EZH2: variants seen among roughly 807,000 people sequenced by gnomAD.
EZH2 encodes enhancer of zeste 2 polycomb repressive complex 2 subunit, also known as histone-lysine N-methyltransferase EZH2.
EZH2 carries 18 observed loss-of-function variants against 98.4 expected under a neutral mutation model. The observed-to-expected ratio is 0.18, with a 90% CI of 0.13 to 0.27. The LOEUF is 0.27. EZH2 is among the 10% of genes least tolerant of loss of function. The probability of loss-of-function intolerance (pLI) is 1.00; values close to 1 mark genes in which losing one functional copy is unlikely to be tolerated. For synonymous variants in EZH2, 338 were observed against 312.3 expected (o/e 1.08, Z -0.87); for missense variants, 470 against 935.1 (o/e 0.50, Z 6.49).
rs2129476948 is a variant in EZH2, at chr7:148,829,781, G to C, written c.431C>G (p.Thr144Ser). Residue 144 changes from threonine (T) to serine (S), a missense_variant, in exon 5 of 20, where the codon ACT (threonine) becomes AGT (serine). Around this residue, in one of 6 missense-constraint regions of EZH2, gnomAD observed 21 missense variants for 84.2 expected, o/e 0.25. Coordinates refer to ENST00000320356, the MANE Select transcript of EZH2 (RefSeq NM_004456.5). ...MGDEVLDQDG[T>S]FIEELIKNYD... ...ATTTTTTATTAGTTCTTCAATGAAAGTACCATCCTGATCTAAAACTTCATC... is the reference window on the plus strand; with the variant it reads ...ATTTTTTATTAGTTCTTCAATGAAACTACCATCCTGATCTAAAACTTCATC... The C allele has an allele frequency of 6.2e-7, 1 of 1,608,948 alleles. No homozygotes were observed. The highest frequency in any genetic ancestry group is 8.5e-7 in the Non-Finnish European group (1 of 1,177,542).
At chr7:148,876,463 C>A (rs1820185653) in intron 1 of EZH2, among the ~76,000 whole-genome samples, 1 of 152,110 alleles carries the variant, frequency 6.6e-6, no homozygotes, top group Admixed American at 6.6e-5. Context: ...AATTATACTT[C>A]AATACAGTTG....
intron 1 of EZH2, among the ~76,000 whole-genome samples, chr7:148,851,863 C>A (rs995840579): frequency 4.6e-5 from 7 of 152,090 alleles, no homozygotes; most frequent in African/African-American, 1.7e-4. Flanking sequence ...AGAGCGAGAC[C>A]CTGTCTCAAA....
chr7:148,870,465 C>G (rs1819190734), intron 1 of EZH2, among the ~76,000 whole-genome samples: 1 of 152,060 alleles, frequency 6.6e-6, no homozygotes, highest in Non-Finnish European at 1.5e-5. Context: ...CACCTGGGGA[C>G]TCCAAGGTGG....
chr7:148,808,980 A>C (rs374004225), intron 19 of EZH2, 91 bp downstream of exon 19: 44 of 990,932 alleles, frequency 4.4e-5, no homozygotes, highest in East Asian at 1.2e-4. Context: ...CCATCAAAAG[A>C]AGCAAAGAAC....
chr7:148,823,357 G>C (rs867233521), intron 8 of EZH2, among the ~76,000 whole-genome samples: 1 of 152,218 alleles, frequency 6.6e-6, no homozygotes, highest in African/African-American at 2.4e-5. Flanking sequence ...GACCAGTCCA[G>C]TAAGTTCTGG....
At chr7:148,829,958 G>C (rs550808576) in intron 4 of EZH2, 110 bp from the exon 5 acceptor site, 80 of 702,518 alleles carry the variant, frequency 1.1e-4, no homozygotes, top group Non-Finnish European at 1.6e-4. Flanking sequence ...CAGTTCTCCA[G>C]ATTTAAAATA....
chr7:148,821,329 G>C (rs959540254), intron 8 of EZH2, among the ~76,000 whole-genome samples: 1 of 151,998 alleles, frequency 6.6e-6, no homozygotes, highest in African/African-American at 2.4e-5. Flanking sequence ...TTAATACCTA[G>C]AAATACTCAA....
intron 3 of EZH2, among the ~76,000 whole-genome samples, chr7:148,833,930 A>C (rs1188031578): frequency 6.6e-6 from 1 of 152,182 alleles, no homozygotes; most frequent in East Asian, 1.9e-4. Flanking sequence ...TATTGCTAAA[A>C]TGTGTCAGTG....
At chr7:148,820,044 G>A (rs1805561425) in intron 8 of EZH2, among the ~76,000 whole-genome samples, 1 of 152,128 alleles carries the variant, frequency 6.6e-6, no homozygotes, top group South Asian at 2.1e-4. Context: ...AATTAAATCA[G>A]ATTTCCTATT....
chr7:148,816,904 C>A, intron 11 of EZH2, 126 bp from the exon 12 acceptor site: 1 of 706,038 alleles, frequency 1.4e-6, no homozygotes, highest in South Asian at 1.6e-5. Context: ...GGGGATATAA[C>A]ACACATCGCT....
intron 15 of EZH2, 66 bp from the exon 16 acceptor site, chr7:148,811,786 A>G: frequency 7.3e-7 from 1 of 1,361,686 alleles, no homozygotes; most frequent in Non-Finnish European, 1.0e-6. Context: ...GACAAAGTAG[A>G]CTACAGAATG....
In EZH2 at chr7:148,819,642, G is replaced by A; in HGVS notation, c.953C>T (p.Thr318Ile). 6.2e-7 allele frequency: 1 copy of A among 1,614,104 alleles called. No homozygotes were observed. Among genetic ancestry groups the A allele is most frequent in the Non-Finnish European group, 8.5e-7 (1 of 1,179,982 alleles). The change falls in exon 9 of 20, where the codon ACA becomes ATA. Residue 318 changes from threonine to isoleucine, a missense_variant. Transcript: ENST00000320356. ...PNTYKRKNTETALDNKPCGPQ... is the reference protein window; with the variant it reads ...PNTYKRKNTEIALDNKPCGPQ... The stretch of plus-strand genomic sequence containing the variant: ...TCCACAAGGTTTGTTGTCTAGAGCT[G>A]TTTCTGTGTTCTTCCGCTTATAAGT...
At chr7:148,862,737 C>G (rs1817867944) in intron 1 of EZH2, among the ~76,000 whole-genome samples, 1 of 152,160 alleles carries the variant, frequency 6.6e-6, no homozygotes, top group African/African-American at 2.4e-5. Flanking sequence ...AATGTTACAA[C>G]TGCATGCACG....
rs1394432499 is a variant in EZH2, at chr7:148,807,830, A to C, written c.2196-124T>G. On this transcript the variant is annotated intron_variant, in intron 19 of 19. Transcript: ENST00000320356. ...AAATGTCTTTAAAAAAAAAAAAAAA[A>C]AAAAAACCCATCCAATTACACAGCT... 51 of 667,322 alleles carry C rather than the reference A, an allele frequency of 7.6e-5. 1 individual carries two copies. The highest frequency in any genetic ancestry group is 6.7e-4 in the East Asian group (24 of 35,606). The allele number at this position is 667,322 out of a possible 1,614,324, so 41.3% of individuals were successfully genotyped here.
chr7:148,854,079 T>C (rs1002816625), intron 1 of EZH2, among the ~76,000 whole-genome samples: 1 of 152,218 alleles, frequency 6.6e-6, no homozygotes, highest in African/African-American at 2.4e-5. Flanking sequence ...CCTGTCCCTC[T>C]TTACCCAGCT....
Position 148,846,838 on chromosome 7 carries a change from CTG to C in EZH2, c.118-242_118-241del, listed in dbSNP as rs59597308. Among the ~76,000 whole-genome samples, 7,732 of 134,988 alleles carry C rather than the reference CTG, an allele frequency of 0.057. 225 individuals carry two copies. Among genetic ancestry groups the C allele is most frequent in the East Asian group, 0.14 (627 of 4,584 alleles). 88.6% of individuals were successfully genotyped at this position (134,988 alleles called of 152,430 possible). ...ACGATTGCCATCCTTTCTTTGTTGA[CTG>C]TGTGTGTGTGTGTGTGTGTGTGTGT... is the stretch of plus-strand genomic sequence containing the variant. On this transcript the variant is annotated intron_variant, in intron 2 of 19. Transcript: ENST00000320356.
At chr7:148,882,234 C>T (rs887409421) in intron 1 of EZH2, among the ~76,000 whole-genome samples, 2 of 152,134 alleles carry the variant, frequency 1.3e-5, no homozygotes, top group African/African-American at 2.4e-5. Context: ...TATTTGTCTC[C>T]ATTTTTATGA....
chr7:148,860,330 A>C (rs1404486451), intron 1 of EZH2, among the ~76,000 whole-genome samples: 1 of 65,048 alleles, frequency 1.5e-5, no homozygotes, highest in Non-Finnish European at 2.7e-5. Flanking sequence ...GTGGGCATAG[A>C]AGAAAAAAAA....
At chr7:148,882,495 G>A (rs962817961) in intron 1 of EZH2, among the ~76,000 whole-genome samples, 24 of 152,104 alleles carry the variant, frequency 1.6e-4, no homozygotes, top group African/African-American at 5.8e-4. Flanking sequence ...TAGAGACCAT[G>A]AATAGAAAAT....
Sources: allele counts gnomAD v4.1 joint callset (sites outside exome capture counted in the v4.1 genomes callset), GRCh38; gene constraint gnomAD v4.1.1; regional missense constraint gnomAD v4.1.1; transcripts MANE v1.5; gene names NCBI Gene and HGNC (gene_info 2026-07-23, HGNC 2026-07-21).